Variants in GALNT7 observed in about 807,000 individuals in gnomAD.
The protein encoded by GALNT7 is polypeptide N-acetylgalactosaminyltransferase 7, also known as N-acetylgalactosaminyltransferase 7.
In GALNT7, 60 loss-of-function variants were observed where a neutral mutation model predicts 82.1. The ratio of observed to expected loss-of-function variants is 0.73; its 90% CI spans 0.59 to 0.91. GALNT7 has a LOEUF of 0.91. Ranked by LOEUF, GALNT7 falls within the 40% of genes least tolerant of loss-of-function variation. The probability of loss-of-function intolerance (pLI) is 0.00; values close to 1 mark genes in which losing one functional copy is unlikely to be tolerated. For missense variants in GALNT7, 660 were observed against 804.2 expected (o/e 0.82, Z 2.17); for synonymous variants, 243 against 275.1 (o/e 0.88, Z 1.15).
chr4:173,226,217 A>G (rs1733821914), intron 1 of GALNT7, among the ~76,000 whole-genome samples: 1 of 152,098 alleles, frequency 6.6e-6, no homozygotes, highest in South Asian at 2.1e-4. Context: ...CCTATTGGCT[A>G]TTCTTTTCTT....
chr4:173,234,241 G>A (rs1734137270), intron 1 of GALNT7, among the ~76,000 whole-genome samples: 1 of 152,114 alleles, frequency 6.6e-6, no homozygotes, highest in Non-Finnish European at 1.5e-5. Flanking sequence ...CTCAAGGCGG[G>A]ATCCAAGATC....
intron 1 of GALNT7, among the ~76,000 whole-genome samples, chr4:173,184,384 G>C (rs1425250368): frequency 6.6e-6 from 1 of 152,044 alleles, no homozygotes; most frequent in African/African-American, 2.4e-5. Context: ...ATCACTCGCG[G>C]TCAGGAGCTG....
chr4:173,218,043 AT>A (rs1561158398), intron 1 of GALNT7, among the ~76,000 whole-genome samples: 4 of 152,202 alleles, frequency 2.6e-5, no homozygotes, highest in Non-Finnish European at 5.9e-5. Flanking sequence ...ACTTTGTTAA[AT>A]TTTGTCTTGG....
chr4:173,301,117 AGAGT>A (rs1444064618), intron 6 of GALNT7, among the ~76,000 whole-genome samples: 3 of 152,146 alleles, frequency 2.0e-5, no homozygotes, highest in Admixed American at 2.0e-4. Context: ...GCTGGGCCAT[AGAGT>A]GAGACTATGT....
chr4:173,303,804 T>C (rs1737048047), intron 7 of GALNT7, among the ~76,000 whole-genome samples, 192 bp from the exon 8 acceptor site: 1 of 152,240 alleles, frequency 6.6e-6, no homozygotes, highest in Non-Finnish European at 1.5e-5. Context: ...ATTAATACTG[T>C]ATTCCCTGTT....
At chr4:173,258,398 GT>G (rs1375745099) in intron 2 of GALNT7, among the ~76,000 whole-genome samples, 1 of 152,188 alleles carries the variant, frequency 6.6e-6, no homozygotes, top group East Asian at 1.9e-4. Flanking sequence ...TGTTTATATG[GT>G]TTTCAGGAAT....
chr4:173,219,199 C>T (rs1733562241), intron 1 of GALNT7, among the ~76,000 whole-genome samples: 1 of 152,118 alleles, frequency 6.6e-6, no homozygotes, highest in South Asian at 2.1e-4. Context: ...TAGCTTAGCT[C>T]TCACTTATGA....
chr4:173,289,924 A>G (rs1012778290), intron 2 of GALNT7, among the ~76,000 whole-genome samples: 2 of 152,110 alleles, frequency 1.3e-5, no homozygotes, highest in Non-Finnish European at 2.9e-5. Flanking sequence ...TCAGTTCTAG[A>G]GGGTATCTCA....
intron 1 of GALNT7, among the ~76,000 whole-genome samples, chr4:173,230,956 T>C (rs1191891851): frequency 1.3e-5 from 2 of 152,178 alleles, no homozygotes; most frequent in African/African-American, 4.8e-5. Flanking sequence ...GTGAATAATT[T>C]AGTTTTCCTC....
At chr4:173,243,566 C>T (rs1426926972) in intron 1 of GALNT7, among the ~76,000 whole-genome samples, 1 of 152,150 alleles carries the variant, frequency 6.6e-6, no homozygotes, top group African/African-American at 2.4e-5. Context: ...CTTTCCTCCT[C>T]AGGGGAGTAA....
At chr4:173,279,199 G>C (rs146576263) in intron 2 of GALNT7, among the ~76,000 whole-genome samples, 42 of 152,240 alleles carry the variant, frequency 2.8e-4, no homozygotes, top group Middle Eastern at 3.4e-3. Flanking sequence ...GCCTGGCTTT[G>C]GGGGAGGCCT....
intron 1 of GALNT7, among the ~76,000 whole-genome samples, chr4:173,229,668 TA>T (rs1336084674): frequency 6.6e-6 from 1 of 152,172 alleles, no homozygotes; most frequent in Non-Finnish European, 1.5e-5. Context: ...TAGTGGTATC[TA>T]GCTCAAAGAG....
intron 2 of GALNT7, among the ~76,000 whole-genome samples, chr4:173,285,537 A>ATT (rs1462145775): frequency 6.6e-6 from 1 of 152,234 alleles, no homozygotes; most frequent in Non-Finnish European, 1.5e-5. Flanking sequence ...AGACGTTTGT[A>ATT]TTTTACCAAT....
At chr4:173,288,302 A>G (rs900971891) in intron 2 of GALNT7, among the ~76,000 whole-genome samples, 13 of 148,614 alleles carry the variant, frequency 8.7e-5, no homozygotes, top group South Asian at 2.1e-4. Context: ...AAAAAAAAAA[A>G]AAAGAAAAGA....
chr4:173,195,083 T>G (rs1245597366), intron 1 of GALNT7, among the ~76,000 whole-genome samples: 2 of 152,244 alleles, frequency 1.3e-5, no homozygotes, highest in Non-Finnish European at 2.9e-5. Flanking sequence ...ATAAAGTCTT[T>G]ATAAAGCCAT....
rs1485076974 is a variant in GALNT7 at position 173,320,658 on chromosome 4, T to C, written c.1837-922T>C. The stretch of plus-strand genomic sequence containing the variant: ...CATATAATTGTGGCTGTTTTTTTAT[T>C]GTACACCACAACTTAATAATTAAGT... On this transcript the variant is annotated intron_variant, in intron 11 of 11. Coordinates refer to ENST00000265000, the MANE Select transcript of GALNT7 (RefSeq NM_017423.3). The surrounding 1 kb of genome is among the most constrained non-coding windows in gnomAD (Gnocchi z 4.1). Among the ~76,000 whole-genome samples the C allele has an allele frequency of 6.6e-6, 1 of 152,158 alleles. No individual in the cohort carries two copies. Among genetic ancestry groups the C allele is most frequent in the Non-Finnish European group, 1.5e-5 (1 of 68,008 alleles).
chr4:173,258,341 A>G (rs1464496573), intron 2 of GALNT7, among the ~76,000 whole-genome samples: 3 of 152,232 alleles, frequency 2.0e-5, no homozygotes, highest in African/African-American at 4.8e-5. Flanking sequence ...ACCAGTAGAC[A>G]TAGAGTGGCC....
At chr4:173,306,876 A>G (rs2126856304) in intron 8 of GALNT7, among the ~76,000 whole-genome samples, 1 of 152,294 alleles carries the variant, frequency 6.6e-6, no homozygotes, top group South Asian at 2.1e-4. Flanking sequence ...ATTGACTTAC[A>G]TTAATGCCTG....
intron 4 of GALNT7, 23 bp downstream of exon 4, chr4:173,295,549 A>C: frequency 6.2e-7 from 1 of 1,603,962 alleles, no homozygotes; most frequent in Non-Finnish European, 8.5e-7. Context: ...TGATATCTAC[A>C]ATGTCAACAT....
Sources: gnomAD v4.1 joint callset for allele counts (sites outside exome capture counted in the v4.1 genomes callset) on GRCh38, gnomAD v4.1.1 for gene constraint, Gnocchi (gnomAD v3.1) non-coding constraint, MANE v1.5 for transcripts, NCBI Gene and HGNC (gene_info 2026-07-23, HGNC 2026-07-21) for gene names.